ZNF469: variants seen among roughly 807,000 people sequenced by gnomAD.
The protein encoded by ZNF469 is zinc finger protein 469.
In ZNF469, 1 loss-of-function variant was observed where a neutral mutation model predicts 1.0. The ratio of observed to expected loss-of-function variants is 1.00; its 90% CI spans 0.35 to 4.73. ZNF469 has a LOEUF of 4.73. Ranked by LOEUF, ZNF469 falls within the 30% of genes most tolerant of loss-of-function variation. The pLI is 0.16. For missense variants in ZNF469, 6,100 were observed against 5,356.3 expected (o/e 1.14, Z -4.33); for synonymous variants, 2,703 against 2,363.4 (o/e 1.14, Z -4.17).
rs929128705 is a variant in ZNF469, at chr16:88,437,549, G to A, written c.10079G>A (p.Ser3360Asn). The A allele has an allele frequency of 1.9e-6, 3 of 1,540,162 alleles. No individual in the cohort carries two copies. Among genetic ancestry groups the A allele is most frequent in the Non-Finnish European group, 1.8e-6 (2 of 1,139,970 alleles). ...FKLQRHLAVH[S>N]PQRVYLCPRC... ...CTGCAGCGCCACCTGGCGGTGCACA[G>A]CCCGCAGCGCGTCTACCTGTGCCCC... The change falls in exon 3 of 3, where the codon AGC becomes AAC. Residue 3360 changes from serine to asparagine, a missense_variant. Ser to Asn is a conservative substitution (Grantham distance 46, BLOSUM62 1). Transcript: ENST00000565624.
chr16:88,399,774 T>C (rs1419230258), intron 1 of ZNF469, among the ~76,000 whole-genome samples: 1 of 152,218 alleles, frequency 6.6e-6, no homozygotes, highest in African/African-American at 2.4e-5. Context: ...GAGCTCCCAG[T>C]CCTTCCTTCT....
chr16:88,145,668 T>C, the ZNF469 span, among the ~76,000 whole-genome samples: 1 of 152,254 alleles, frequency 6.6e-6, no homozygotes, highest in Non-Finnish European at 1.5e-5. Context: ...CTGGATGTTG[T>C]GTCCTGGCTG....
the ZNF469 span, among the ~76,000 whole-genome samples, chr16:88,167,304 C>T: frequency 3.3e-5 from 5 of 152,028 alleles, no homozygotes; most frequent in African/African-American, 4.8e-5. Flanking sequence ...TCAGGTGATC[C>T]GCCCGCCTCG....
chr16:88,314,842 CTG>C, the ZNF469 span, among the ~76,000 whole-genome samples: 11 of 146,454 alleles, frequency 7.5e-5, no homozygotes, highest in Non-Finnish European at 1.2e-4. Flanking sequence ...ACTGTCATCT[CTG>C]TAATTCAGGC....
chr16:88,249,306 T>C, the ZNF469 span, among the ~76,000 whole-genome samples: 2 of 150,878 alleles, frequency 1.3e-5, no homozygotes, highest in African/African-American at 4.9e-5. Context: ...TACCTCACTG[T>C]AGTCTCGAAC....
chr16:88,292,104 G>T, the ZNF469 span, among the ~76,000 whole-genome samples: 11 of 152,330 alleles, frequency 7.2e-5, 2 homozygotes, highest in African/African-American at 2.6e-4. Context: ...AGGCAAGGGG[G>T]TGCCATGTGG....
chr16:88,380,548 G>C (rs1472090254), upstream of ZNF469, among the ~76,000 whole-genome samples: 541 of 73,016 alleles, frequency 7.4e-3, 6 homozygotes, highest in African/African-American at 0.029. Context: ...CACTAACACA[G>C]ACATGCACTC....
chr16:88,421,741 A>C (rs551762837), intron 1 of ZNF469, among the ~76,000 whole-genome samples: 14 of 152,368 alleles, frequency 9.2e-5, no homozygotes, highest in South Asian at 8.3e-4. Context: ...AGCGCGGAAG[A>C]AGCACAGTTA....
At chr16:88,199,199 C>T in the ZNF469 span, among the ~76,000 whole-genome samples, 3 of 152,288 alleles carry the variant, frequency 2.0e-5, no homozygotes, top group East Asian at 5.8e-4. Flanking sequence ...GCATGGGCAC[C>T]GCCCACCTGG....
chr16:88,252,594 A>T, the ZNF469 span, among the ~76,000 whole-genome samples: 1 of 152,128 alleles, frequency 6.6e-6, no homozygotes. Context: ...TCACATAACC[A>T]CTCAGCTCTC....
chr16:88,321,331 C>T, the ZNF469 span, among the ~76,000 whole-genome samples: 1 of 152,284 alleles, frequency 6.6e-6, no homozygotes, highest in Non-Finnish European at 1.5e-5. Context: ...TTGGTTTTTG[C>T]CCGTAAGGCC....
chr16:88,420,228 A>T (rs1905417539), intron 1 of ZNF469, among the ~76,000 whole-genome samples: 1 of 152,218 alleles, frequency 6.6e-6, no homozygotes, highest in Non-Finnish European at 1.5e-5. Context: ...AGGGAGAGCC[A>T]GTCCCTGCTG....
the ZNF469 span, among the ~76,000 whole-genome samples, chr16:88,188,570 G>A: frequency 6.6e-6 from 1 of 152,176 alleles, no homozygotes; most frequent in Non-Finnish European, 1.5e-5. Context: ...ATCTCTGGGA[G>A]TCCTGTTCAA....
At chr16:88,420,024 G>A (rs796992303) in intron 1 of ZNF469, among the ~76,000 whole-genome samples, 2 of 152,264 alleles carry the variant, frequency 1.3e-5, no homozygotes, top group South Asian at 4.1e-4. Flanking sequence ...TCAGCTCTCA[G>A]CCATGCTGTC....
At chr16:88,151,627 G>T in the ZNF469 span, among the ~76,000 whole-genome samples, 1 of 152,170 alleles carries the variant, frequency 6.6e-6, no homozygotes. This position sits in a 1 kb window ranked among gnomAD's most constrained non-coding sequence, Gnocchi z 5.4. Context: ...CGTGTGGATT[G>T]GTAGGCACCA....
At chr16:88,341,915 G>A in the ZNF469 span, among the ~76,000 whole-genome samples, 3 of 152,220 alleles carry the variant, frequency 2.0e-5, no homozygotes, top group African/African-American at 7.2e-5. Flanking sequence ...TGGGAAGGCC[G>A]TGAGAAGGAG....
chr16:88,145,973 A>C, the ZNF469 span, among the ~76,000 whole-genome samples: 1 of 152,350 alleles, frequency 6.6e-6, no homozygotes, highest in East Asian at 1.9e-4. Context: ...CCGGCCTCGC[A>C]GTCCCGTGTT....
chr16:88,433,707 T>C lies in ZNF469; in HGVS notation c.6237T>C (p.Ser2079=), dbSNP rs1380713788. The change falls in exon 3 of 3, where the codon TCT becomes TCC. Residue 2079 remains serine (S), a synonymous_variant. Coordinates refer to ENST00000565624, the MANE Select transcript of ZNF469 (RefSeq NM_001367624.2). ...CAGCAGCCCACAGCCGAAGTGGATC[T>C]GAGGGCCGGACTCCAGAGAGGGCGT... ...ALTAAHSRSG[S]EGRTPERASS... is the part of the protein sequence containing the mutation. The C allele has an allele frequency of 4.5e-6, 7 of 1,549,078 alleles. No homozygotes were observed. The highest frequency in any genetic ancestry group is 6.1e-6 in the Non-Finnish European group (7 of 1,146,692).
At chr16:88,362,930 G>A in the ZNF469 span, among the ~76,000 whole-genome samples, 3 of 152,020 alleles carry the variant, frequency 2.0e-5, no homozygotes, top group African/African-American at 4.8e-5. Context: ...GTTAAACCAC[G>A]TCCATTAATC....
Sources: gnomAD v4.1 joint callset for allele counts (sites outside exome capture counted in the v4.1 genomes callset) on GRCh38, gnomAD v4.1.1 for gene constraint, Gnocchi (gnomAD v3.1) non-coding constraint, MANE v1.5 for transcripts, NCBI Gene and HGNC (gene_info 2026-07-23, HGNC 2026-07-21) for gene names.